The following ARHGEF18 variants were observed in gnomAD, a reference collection of about 807,000 sequenced individuals.
ARHGEF18 encodes Rho/Rac guanine nucleotide exchange factor 18, also known as rho guanine nucleotide exchange factor 18.
Under a neutral mutation model 155.7 loss-of-function variants are expected in ARHGEF18, and 93 were observed. That is an observed-to-expected ratio of 0.60 (90% CI 0.50 to 0.71). The LOEUF (loss-of-function observed/expected upper bound fraction) is 0.71. ARHGEF18 is among the 30% of genes least tolerant of loss of function. The pLI, the probability that ARHGEF18 is intolerant of heterozygous loss-of-function variation, is 0.00. For missense variants in ARHGEF18, 1,593 were observed against 1,816.1 expected (o/e 0.88, Z 2.23); for synonymous variants, 742 against 753.1 (o/e 0.99, Z 0.24).
intron 1 of ARHGEF18, among the ~76,000 whole-genome samples, chr19:7,352,168 T>C (rs1969173824): frequency 6.6e-6 from 1 of 152,122 alleles, no homozygotes. Context: ...CTTTATGGTG[T>C]CATTTTCCTC....
At chr19:7,446,906 AAAAAAG>A (rs1975030991) in intron 14 of ARHGEF18, 131 bp from the exon 15 acceptor site, 107 of 1,199,138 alleles carry the variant, frequency 8.9e-5, no homozygotes, top group East Asian at 3.1e-4. Flanking sequence ...AAAAAAAAAA[AAAAAAG>A]AAGAAGAAAG....
intron 10 of ARHGEF18, among the ~76,000 whole-genome samples, chr19:7,399,868 G>T (rs1026882573): frequency 6.6e-6 from 1 of 151,518 alleles, no homozygotes; most frequent in Non-Finnish European, 1.5e-5. Context: ...GACCTCCTAG[G>T]CTCAAGCAAT....
At chr19:7,428,644 C>G (rs1050859505) in intron 10 of ARHGEF18, among the ~76,000 whole-genome samples, 1 of 151,994 alleles carries the variant, frequency 6.6e-6, no homozygotes, top group Non-Finnish European at 1.5e-5. Flanking sequence ...GAGTGGGAGG[C>G]TGCAGCGAGC....
At chr19:7,450,436 C>T (rs1975310106) in intron 15 of ARHGEF18, among the ~76,000 whole-genome samples, 1 of 1,534 alleles carries the variant, frequency 6.5e-4, no homozygotes, top group African/African-American at 2.0e-3. Flanking sequence ...TCTTGCTTTC[C>T]GTTTCCGTTT....
At chr19:7,404,605 G>A (rs567323003) in intron 10 of ARHGEF18, among the ~76,000 whole-genome samples, 17 of 151,712 alleles carry the variant, frequency 1.1e-4, no homozygotes, top group Non-Finnish European at 2.4e-4. Context: ...GATTACAGGC[G>A]CCCACCACCA....
rs996328982 is a variant in ARHGEF18 at position 7,373,014 on chromosome 19, A to T, written c.218A>T (p.Asp73Val). The change falls in exon 3 of 29, where the codon GAC becomes GTC. Residue 73 changes from aspartate to valine, a missense_variant. Coordinates refer to ENST00000668164, the MANE Select transcript of ARHGEF18 (RefSeq NM_001367823.1). ...TTCTCCAGCTTGGCAGGGTCCCAAG[A>T]CCTGTCAAGGCGGCGCAGCTGGGAA... Reference protein sequence around the residue: ...SLFSSLAGSQDLSRRRSWERS... With the variant: ...SLFSSLAGSQVLSRRRSWERS... 5 of 1,234,272 alleles carry T rather than the reference A, an allele frequency of 4.1e-6. No individual in the cohort carries two copies. In the African/African-American group the frequency reaches 4.7e-5, roughly 11 times the overall value. The allele number at this position is 1,234,272 out of a possible 1,614,324, so 76.5% of individuals were successfully genotyped here.
downstream of ARHGEF18, chr19:7,477,422 C>A: frequency 6.8e-7 from 1 of 1,461,622 alleles, no homozygotes. Context: ...CCTCCGCTTG[C>A]CCCGGGGCAG....
Position 7,451,169 on chromosome 19 carries a change from C to T in ARHGEF18, c.1758C>T (p.Ile586=), listed in dbSNP as rs763343847. 4.9e-5 allele frequency: 75 copies of T among 1,525,540 alleles called. 1 individual carries two copies. The highest frequency in any genetic ancestry group is 5.7e-5 in the South Asian group (5 of 88,390). The allele number at this position is 1,525,540 out of a possible 1,614,324, so 94.5% of individuals were successfully genotyped here. A position where few individuals can be genotyped will look rare whatever the true frequency, so the allele number is the denominator to read the frequency against. Residue 586 remains isoleucine (I), a synonymous_variant, in exon 16 of 29, where the codon ATC becomes ATT. Coordinates refer to ENST00000668164, the MANE Select transcript of ARHGEF18 (RefSeq NM_001367823.1). ...CCTAGAAAATTGGCAACTTCTCCAT[C>T]GTGCGGCGGCTTGGCGTGCAGGAGT... The part of the protein sequence containing the change: ...NLIKKIGNFS[I]VRRLGVQECI...
downstream of ARHGEF18, chr19:7,473,247 G>A (rs982038226): frequency 2.2e-6 from 1 of 456,120 alleles, no homozygotes; most frequent in African/African-American, 2.0e-5. Context: ...AGGGGACTAG[G>A]TGTAAAGTCG....
the ARHGEF18 span, chr19:7,478,397 G>A: frequency 2.0e-5 from 32 of 1,602,062 alleles, no homozygotes; most frequent in East Asian, 7.0e-4. Context: ...AGAGCCCGAG[G>A]GAGGATGCCC....
intron 10 of ARHGEF18, among the ~76,000 whole-genome samples, chr19:7,389,538 ATT>A (rs201127521): frequency 4.7e-4 from 51 of 109,026 alleles, no homozygotes; most frequent in African/African-American, 1.5e-3. Context: ...TTATTTACTT[ATT>A]TTTTTTTTTT....
At position 7,385,865 on chromosome 19, in the gene ARHGEF18, CTCT is replaced by C. The variant is rs1345682411; in HGVS notation, c.967+2663_967+2665del. 4.5e-4 allele frequency among the ~76,000 whole-genome samples: 45 copies of C among 99,838 alleles called. 1 individual carries two copies. The highest frequency in any genetic ancestry group is 2.0e-3 in the African/African-American group (38 of 18,542). The allele number at this position is 99,838 out of a possible 152,430, so 65.5% of individuals were successfully genotyped here. On this transcript the variant is annotated intron_variant, in intron 10 of 28. Transcript: ENST00000668164. Reference sequence around the variant, plus strand: ...TCTCTCTCTCTCTCTCTCTCTCTCTCTCTCTCCCCCCTCCCTCTCTCCCTCCCT... The same window carrying C: ...TCTCTCTCTCTCTCTCTCTCTCTCTCCTCCCCCCTCCCTCTCTCCCTCCCT...
intron 27 of ARHGEF18, 74 bp from the exon 28 acceptor site, chr19:7,469,830 C>T: frequency 2.6e-6 from 4 of 1,562,474 alleles, no homozygotes; most frequent in Non-Finnish European, 3.5e-6. Flanking sequence ...GGCCCCTCTG[C>T]TCTCGGAGGC....
At chr19:7,365,643 G>A (rs1168253188) in intron 2 of ARHGEF18, among the ~76,000 whole-genome samples, 1 of 152,178 alleles carries the variant, frequency 6.6e-6, no homozygotes, top group African/African-American at 2.4e-5. Context: ...AGGCAGCAAG[G>A]CTGTGCCCCC....
chr19:7,370,869 C>G (rs1970170302), intron 2 of ARHGEF18, among the ~76,000 whole-genome samples: 1 of 151,726 alleles, frequency 6.6e-6, no homozygotes, highest in African/African-American at 2.4e-5. Flanking sequence ...GGTCTCTGGA[C>G]TCGTCGGGTT....
At chr19:7,427,768 A>G (rs982035418) in intron 10 of ARHGEF18, among the ~76,000 whole-genome samples, 1 of 151,984 alleles carries the variant, frequency 6.6e-6, no homozygotes, top group African/African-American at 2.4e-5. Context: ...AAACATGGTG[A>G]AACCCTGTCT....
rs890744727 is a variant in ARHGEF18 at position 7,366,357 on chromosome 19, G to A, written c.15+3452G>A. ...GCCAACCAGACTCGTGTTCCCCAAC[G>A]GTCCACACCTCAGCCATAGGAACAT... On this transcript the variant is annotated intron_variant, in intron 2 of 28. Transcript: ENST00000668164. Among the ~76,000 whole-genome samples the A allele has an allele frequency of 7.2e-5, 11 of 152,170 alleles. No homozygotes were observed. The South Asian group carries it at 1.2e-3, about 17-fold the overall frequency.
At chr19:7,365,122 G>A (rs11260010) in intron 2 of ARHGEF18, among the ~76,000 whole-genome samples, 126,509 of 152,164 alleles carry the variant, frequency 0.83, 54,860 homozygotes, top group East Asian at 0.97. Context: ...TGAGGGGCTG[G>A]GCATGGTGGC....
In ARHGEF18 at chr19:7,440,315, C is replaced by T; in HGVS notation, c.968-29C>T. ...TCCGCTACCCGACCCACTTTCTCAG[C>T]ACCAACTCTGTCCTTGCCTCTGTCA... On this transcript the variant is annotated intron_variant, in intron 10 of 28. Coordinates refer to ENST00000668164, the MANE Select transcript of ARHGEF18 (RefSeq NM_001367823.1). This position sits in a 1 kb window ranked among gnomAD's most constrained non-coding sequence, Gnocchi z 5.4. 1 of 1,605,070 alleles carries T rather than the reference C, an allele frequency of 6.2e-7. No individual in the cohort carries two copies. The highest frequency in any genetic ancestry group is 8.5e-7 in the Non-Finnish European group (1 of 1,175,946).
Sources: allele counts gnomAD v4.1 joint callset (sites outside exome capture counted in the v4.1 genomes callset), GRCh38; gene constraint gnomAD v4.1.1; non-coding constraint Gnocchi (gnomAD v3.1); transcripts MANE v1.5; gene names NCBI Gene and HGNC (gene_info 2026-07-23, HGNC 2026-07-21).